ATAD3B: variants seen among roughly 807,000 people sequenced by gnomAD.
ATAD3B encodes ATPase family AAA domain-containing protein 3B.
ATAD3B carries 59 observed loss-of-function variants against 70.2 expected under a neutral mutation model. The ratio of observed to expected loss-of-function variants is 0.84; its 90% CI spans 0.68 to 1.04. The LOEUF (loss-of-function observed/expected upper bound fraction) is 1.04. Ranked by LOEUF, ATAD3B falls within the 50% of genes least tolerant of loss-of-function variation. The pLI, the probability that ATAD3B is intolerant of heterozygous loss-of-function variation, is 0.00. For missense variants in ATAD3B, 961 were observed against 913.4 expected (o/e 1.05, Z -0.67); for synonymous variants, 423 against 388.6 (o/e 1.09, Z -1.04).
downstream of ATAD3B, among the ~76,000 whole-genome samples, chr1:1,500,525 CT>C (rs1238165339): frequency 0.019 from 2,708 of 145,796 alleles, 43 homozygotes; most frequent in Admixed American, 0.035. Flanking sequence ...GCCCTCCAGT[CT>C]CTGGGGGACA....
chr1:1,488,618 G>A (rs1364911417), intron 12 of ATAD3B, among the ~76,000 whole-genome samples: 1 of 151,986 alleles, frequency 6.6e-6, no homozygotes, highest in Non-Finnish European at 1.5e-5. Flanking sequence ...AATTAGCCGG[G>A]CGTCGTGGGG....
intron 7 of ATAD3B, 163 bp downstream of exon 7, chr1:1,482,777 CCTT>C: frequency 8.5e-7 from 1 of 1,176,136 alleles, no homozygotes. Flanking sequence ...GCTCCTCCCT[CCTT>C]GAGCTGGGAG....
chr1:1,485,773 C>T lies in ATAD3B; in HGVS notation c.907-9C>T, dbSNP rs188705235. 1,136 of 1,612,824 alleles carry T rather than the reference C, an allele frequency of 7.0e-4. 16 individuals are homozygous for T. In the African/African-American group the frequency reaches 0.013, roughly 18 times the overall value. On this transcript the variant is annotated splice_polypyrimidine_tract_variant and intron_variant, in intron 8 of 15. Transcript: ENST00000673477. ...TGACCCAATGGTGCTTCCCCTTCCC[C>T]TCCGGCAGGTCAGCCGGCGGCTCCT...
chr1:1,473,719 C>A (rs1201681706), intron 1 of ATAD3B, among the ~76,000 whole-genome samples: 3 of 151,916 alleles, frequency 2.0e-5, no homozygotes, highest in African/African-American at 7.3e-5. Context: ...TGGTCTTGAC[C>A]ACCTGACCCC....
the ATAD3B span, among the ~76,000 whole-genome samples, chr1:1,508,381 G>T: frequency 1.9e-4 from 29 of 151,410 alleles, 2 homozygotes; most frequent in African/African-American, 7.1e-4. Flanking sequence ...GGAGGATGGT[G>T]TGCTGCTGCC....
chr1:1,484,943 G>C (rs1570241353), intron 7 of ATAD3B, 73 bp from the exon 8 acceptor site: 2 of 1,520,508 alleles, frequency 1.3e-6, no homozygotes, highest in Non-Finnish European at 1.8e-6. Flanking sequence ...GGTGGGGGCA[G>C]CCCCGTGCGT....
intron 13 of ATAD3B, 98 bp from the exon 14 acceptor site, chr1:1,490,159 C>T: frequency 2.0e-6 from 3 of 1,525,210 alleles, no homozygotes; most frequent in Admixed American, 2.1e-5. Context: ...TTTAGATTCT[C>T]CCAAAAAGTC....
chr1:1,483,152 A>C (rs1488655198), intron 7 of ATAD3B: 1 of 400,964 alleles, frequency 2.5e-6, no homozygotes, highest in Admixed American at 3.0e-5. Flanking sequence ...AAAAGAAAAG[A>C]ATTAGCTGGG....
chr1:1,484,202 CAG>C (rs1484566990), intron 7 of ATAD3B: 15 of 150,982 alleles, frequency 9.9e-5, no homozygotes, highest in South Asian at 6.3e-4. Flanking sequence ...TTTTTTGAGA[CAG>C]AGTCTCACTT....
At chr1:1,476,464 A>G (rs1401097746) in intron 1 of ATAD3B, among the ~76,000 whole-genome samples, 6 of 151,522 alleles carry the variant, frequency 4.0e-5, no homozygotes, top group African/African-American at 7.3e-5. Context: ...GCACCAACCC[A>G]GGAGCATCGG....
the ATAD3B span, chr1:1,503,307 A>G: frequency 2.4e-6 from 1 of 412,350 alleles, no homozygotes; most frequent in South Asian, 3.1e-5. Context: ...TGAATTGGGC[A>G]AGAGCCTCCT....
chr1:1,489,905 T>C, intron 13 of ATAD3B: 29 of 1,222,382 alleles, frequency 2.4e-5, no homozygotes, highest in Non-Finnish European at 2.7e-5. Context: ...GCCATAATCT[T>C]GACAGGGACT....
At chr1:1,503,392 C>G in the ATAD3B span, 2 of 612,066 alleles carry the variant, frequency 3.3e-6, no homozygotes, top group Non-Finnish European at 5.8e-6. Context: ...CTCACAAATG[C>G]ATCAGGCCGT....
downstream of ATAD3B, among the ~76,000 whole-genome samples, chr1:1,498,679 G>A (rs532309013): frequency 6.2e-4 from 93 of 151,060 alleles, no homozygotes; most frequent in Non-Finnish European, 9.7e-4. Context: ...AAGTGTTGGG[G>A]TTACAGGCCT....
At chr1:1,501,319 A>G (rs1640941431), downstream of ATAD3B, among the ~76,000 whole-genome samples, 1 of 150,984 alleles carries the variant, frequency 6.6e-6, no homozygotes, top group Non-Finnish European at 1.5e-5. Flanking sequence ...CAATGGCACG[A>G]TCTCGGCTCA....
chr1:1,474,707 G>A (rs1557790475), intron 1 of ATAD3B, among the ~76,000 whole-genome samples: 2 of 151,840 alleles, frequency 1.3e-5, no homozygotes, highest in Non-Finnish European at 2.9e-5. Flanking sequence ...TCACCATGTT[G>A]TTTAGGCTGG....
At chr1:1,475,259 C>T (rs538235014) in intron 1 of ATAD3B, among the ~76,000 whole-genome samples, 11 of 151,238 alleles carry the variant, frequency 7.3e-5, no homozygotes, top group Non-Finnish European at 1.3e-4. Context: ...GGATTGTGTT[C>T]CAGGTGTGGG....
At chr1:1,502,758 C>T (rs561837878), downstream of ATAD3B, among the ~76,000 whole-genome samples, 96 of 150,784 alleles carry the variant, frequency 6.4e-4, no homozygotes, top group Admixed American at 1.1e-3. Flanking sequence ...GCGATCCACC[C>T]GCCTCGGCCT....
rs1475518013 is a variant in ATAD3B, at chr1:1,473,164, GAGTCTCGCTCTGTCGCCC to G, written c.205+1078_205+1095del. Among the ~76,000 whole-genome samples, 8 of 89,502 alleles carry G rather than the reference GAGTCTCGCTCTGTCGCCC, an allele frequency of 8.9e-5. No individual in the cohort carries two copies. The South Asian group carries it at 2.1e-3, about 23-fold the overall frequency. The allele number at this position is 89,502 out of a possible 152,430, so 58.7% of individuals were successfully genotyped here. The stretch of plus-strand genomic sequence containing the variant: ...TTTTTTTTTTTTTTTTTTTTGAGAT[GAGTCTCGCTCTGTCGCCC>G]AGGCTGGAGTGCAGTGACGTGATCT... On this transcript the variant is annotated intron_variant, in intron 1 of 15. Coordinates refer to ENST00000673477, the MANE Select transcript of ATAD3B (RefSeq NM_031921.6).
Sources: allele counts gnomAD v4.1 joint callset (sites outside exome capture counted in the v4.1 genomes callset), GRCh38; gene constraint gnomAD v4.1.1; transcripts MANE v1.5; gene names NCBI Gene and HGNC (gene_info 2026-07-23, HGNC 2026-07-21).